ZNF836: variants seen among roughly 807,000 people sequenced by gnomAD.
ZNF836 encodes the protein zinc finger protein 836.
A neutral mutation model predicts 7.4 loss-of-function variants in ZNF836; 12 were observed. The ratio of observed to expected loss-of-function variants is 1.61; its 90% CI spans 1.03 to 2.61. ZNF836 has a LOEUF of 2.61. Ranked by LOEUF, ZNF836 falls within the 30% of genes most tolerant of loss-of-function variation. ZNF836 has a pLI of 0.00. For missense variants in ZNF836, 998 were observed against 1,126.2 expected, an observed-to-expected ratio of 0.89 and a Z score of 1.63; for synonymous variants, 365 against 382.6, an observed-to-expected ratio of 0.95 and a Z score of 0.54.
chr19:52,156,345 T>A lies in ZNF836; in HGVS notation c.1338A>T (p.Val446=), dbSNP rs2089159246. 6.2e-7 allele frequency: 1 copy of A among 1,614,080 alleles called. No homozygotes were observed. Among genetic ancestry groups the A allele is most frequent in the South Asian group, 1.1e-5 (1 of 91,080 alleles). Residue 446 remains valine, a synonymous_variant, in exon 5 of 5, where the codon GTA becomes GTT. Coordinates refer to ENST00000682614, the MANE Select transcript of ZNF836 (RefSeq NM_001102657.3). ...AACGTTGACTGAAGACCTTGTCGCA[T>A]ACATCACATGTATATGGTTTCTCTC... is the stretch of plus-strand genomic sequence containing the variant. ...HTGEKPYTCD[V]CDKVFSQRSQ...
intron 3 of ZNF836, among the ~76,000 whole-genome samples, chr19:52,165,955 A>G (rs917692698): frequency 6.6e-6 from 1 of 151,998 alleles, no homozygotes; most frequent in Non-Finnish European, 1.5e-5. Context: ...CTGTAGTTAA[A>G]TTTTCAGAAT....
rs1339581523 is a variant in ZNF836 at position 52,167,750 on chromosome 19, A to C, written c.15+308T>G. ...TCTACAGAGAGCTGACTGCATCCTG[A>C]TTTTGCCTCTAAACAATCTCTGCTG... On this transcript the variant is annotated intron_variant, in intron 3 of 4. Transcript: ENST00000682614. 3.9e-5 allele frequency among the ~76,000 whole-genome samples: 6 copies of C among 152,054 alleles called. No individual in the cohort carries two copies. In the East Asian group the frequency reaches 9.6e-4, roughly 24 times the overall value.
At chr19:52,158,830 T>A (rs74420665) in intron 4 of ZNF836, among the ~76,000 whole-genome samples, 1,625 of 152,298 alleles carry the variant, frequency 0.011, 29 homozygotes, top group East Asian at 0.07. Flanking sequence ...GTCAGCTATA[T>A]TGACTTATGT....
In ZNF836 at chr19:52,169,795, G is replaced by GAAAAAAAAAAAAAAAAAAAAA. The variant is rs11438599; in HGVS notation, c.-214-15_-214-14insTTTTTTTTTTTTTTTTTTTTT. 1 of 75,624 alleles carries GAAAAAAAAAAAAAAAAAAAAA rather than the reference G, an allele frequency of 1.3e-5. No homozygotes were observed. Among genetic ancestry groups the GAAAAAAAAAAAAAAAAAAAAA allele is most frequent in the Non-Finnish European group, 3.0e-5 (1 of 33,848 alleles). The allele number at this position is 75,624 out of a possible 1,614,324, so 4.7% of individuals were successfully genotyped here. The stretch of plus-strand genomic sequence containing the variant: ...CAGAGCAAGACCCTGTCTCAAAAAA[G>GAAAAAAAAAAAAAAAAAAAAA]AAAAAAAAAAAAAAAAGACATACCT... On this transcript the variant is annotated splice_polypyrimidine_tract_variant and intron_variant, in intron 1 of 4. Transcript: ENST00000682614.
rs1242754125 is a variant in ZNF836, at chr19:52,154,859, C to G, written c.*13G>C. On this transcript the variant is annotated 3_prime_UTR_variant, in exon 5 of 5. Coordinates refer to ENST00000682614, the MANE Select transcript of ZNF836 (RefSeq NM_001102657.3). ...GAAGTGACAAATATACAAGCTATAT[C>G]AATAAGTATGAATTATTTGAACCCA... 1.3e-6 allele frequency: 2 copies of G among 1,496,272 alleles called. No individual in the cohort carries two copies. Among genetic ancestry groups the G allele is most frequent in the Non-Finnish European group, 8.9e-7 (1 of 1,123,976 alleles). 92.7% of individuals were successfully genotyped at this position (1,496,272 alleles called of 1,614,324 possible).
In ZNF836 at chr19:52,156,571, G is replaced by C; in HGVS notation, c.1112C>G (p.Ser371Cys). The C allele has an allele frequency of 1.2e-6, 2 of 1,613,656 alleles. No individual in the cohort carries two copies. Among genetic ancestry groups the C allele is most frequent in the Non-Finnish European group, 1.7e-6 (2 of 1,179,892 alleles). Reference protein sequence around the residue: ...DICGKVFRQNSNLVNHQRIHT... With the variant: ...DICGKVFRQNCNLVNHQRIHT... ...GATTCTCTGGTGATTTACAAGATTA[G>C]AATTCTGCCTGAAGACCTTGCCACA... The change falls in exon 5 of 5, where the codon TCT becomes TGT. Residue 371 changes from serine (S) to cysteine (C), a missense_variant. Coordinates refer to ENST00000682614, the MANE Select transcript of ZNF836 (RefSeq NM_001102657.3).
intron 4 of ZNF836, among the ~76,000 whole-genome samples, chr19:52,160,152 C>A: frequency 6.8e-6 from 1 of 147,988 alleles, no homozygotes; most frequent in South Asian, 2.1e-4. Flanking sequence ...CACTGCACTC[C>A]AGCCTGGGAG....
In ZNF836 at chr19:52,155,786, T is replaced by G. The variant is rs767223568; in HGVS notation, c.1897A>C (p.Thr633Pro). Residue 633 changes from threonine (T) to proline (P), a missense_variant, in exon 5 of 5, where the codon ACT (threonine) becomes CCT (proline). Thr to Pro is a conservative substitution (Grantham distance 38). Coordinates refer to ENST00000682614, the MANE Select transcript of ZNF836 (RefSeq NM_001102657.3). ...GNLSNHKRIH[T>P]GEKPFQCNEC... is the part of the protein sequence containing the mutation. ...TTACATTGAAACGGCTTCTCTCCAG[T>G]ATGAATTCTCTTATGATTTGAAAGG... is the stretch of plus-strand genomic sequence containing the variant. 1 of 1,614,086 alleles carries G rather than the reference T, an allele frequency of 6.2e-7. No individual in the cohort carries two copies. Among genetic ancestry groups the G allele is most frequent in the South Asian group, 1.1e-5 (1 of 91,084 alleles).
Position 52,155,059 on chromosome 19 carries a change from G to A in ZNF836, c.2624C>T (p.Ser875Phe). The A allele has an allele frequency of 6.2e-7, 1 of 1,614,194 alleles. No homozygotes were observed. Among genetic ancestry groups the A allele is most frequent in the South Asian group, 1.1e-5 (1 of 91,090 alleles). ...AATCATTTGGTGTTTGTTGAGGCAA[G>A]AAAACCGCCCAAAGGCCTTGCCACA... ...IECGKAFGRFSCLNKHQMIHS... is the reference protein window; with the variant it reads ...IECGKAFGRFFCLNKHQMIHS... Residue 875 changes from serine to phenylalanine, a missense_variant, in exon 5 of 5, where the codon TCT becomes TTT. By Grantham distance (155) the Ser-to-Phe change is radical. Transcript: ENST00000682614.
intron 4 of ZNF836, chr19:52,160,216 T>C (rs2089200903): frequency 1.9e-6 from 1 of 531,126 alleles, no homozygotes. Context: ...AGTACCATTA[T>C]ACTGACTAAT....
rs147370490 is a variant in ZNF836, at chr19:52,154,570, G to T, written c.*302C>A. 8.9e-3 allele frequency: 1,749 copies of T among 195,426 alleles called. 38 individuals are homozygous for T. Among genetic ancestry groups the T allele is most frequent in the African/African-American group, 0.038 (1,647 of 42,812 alleles). The allele number at this position is 195,426 out of a possible 1,614,324, so 12.1% of individuals were successfully genotyped here. ...GCTACTCAGGGAGACTGAGGCAGGA[G>T]AATCACTTGAACCTGGGAGGCAGAG... On this transcript the variant is annotated 3_prime_UTR_variant, in exon 5 of 5. Transcript: ENST00000682614.
In ZNF836 at chr19:52,154,965, A is replaced by G; in HGVS notation, c.2718T>C (p.Thr906=). The part of the protein sequence containing the change: ...GKSFISRSGL[T]KHQTKHTAES... ...CTGCAGTATGTTTTGTCTGATGTTT[A>G]GTGAGGCCTGAGCGACTAATGAAAG... The change falls in exon 5 of 5, where the codon ACT becomes ACC. Residue 906 remains threonine (T), a synonymous_variant. Coordinates refer to ENST00000682614, the MANE Select transcript of ZNF836 (RefSeq NM_001102657.3). The G allele has an allele frequency of 6.2e-7, 1 of 1,601,514 alleles. No individual in the cohort carries two copies.
Position 52,166,696 on chromosome 19 carries a change from C to G in ZNF836, c.15+1362G>C, listed in dbSNP as rs2089267361. Among the ~76,000 whole-genome samples the G allele has an allele frequency of 2.0e-5, 3 of 151,460 alleles. No individual in the cohort carries two copies. In the South Asian group the frequency reaches 6.2e-4, roughly 31 times the overall value. On this transcript the variant is annotated intron_variant, in intron 3 of 4. Transcript: ENST00000682614. ...TCATGCCATTCTCCTGCTTCAGCCT[C>G]CCAAGTAGCTGGGACTACAGGCCCC... is the stretch of plus-strand genomic sequence containing the variant.
chr19:52,156,111 T>C lies in ZNF836; in HGVS notation c.1572A>G (p.Lys524=), dbSNP rs2089155698. 1.2e-6 allele frequency: 2 copies of C among 1,614,082 alleles called. No individual in the cohort carries two copies. The change falls in exon 5 of 5, where the codon AAA becomes AAG. Residue 524 remains lysine, a synonymous_variant. Transcript: ENST00000682614. ...TRHKIIHTRE[K]RYQCGECGKV... is the part of the protein sequence containing the mutation. Reference sequence around the variant, plus strand: ...TTCCACATTCACCGCATTGGTAACGTTTCTCTCTGGTATGAATTATCTTAT... The same window carrying C: ...TTCCACATTCACCGCATTGGTAACGCTTCTCTCTGGTATGAATTATCTTAT...
chr19:52,170,504 G>A (rs2089299195), intron 1 of ZNF836: 1 of 152,610 alleles, frequency 6.6e-6, no homozygotes, highest in Non-Finnish European at 1.5e-5. Flanking sequence ...TCTGTCGGCT[G>A]CGGCTCCAAC....
In ZNF836 at chr19:52,155,592, A is replaced by G; in HGVS notation, c.2091T>C (p.Asn697=). Residue 697 remains asparagine, a synonymous_variant, in exon 5 of 5, where the codon AAT becomes AAC. Coordinates refer to ENST00000682614, the MANE Select transcript of ZNF836 (RefSeq NM_001102657.3). The part of the protein sequence containing the change: ...IHTGEKPYNC[N]EFGGAFIQSS... Reference sequence around the variant, plus strand: ...TTTGGATAAATGCCCCTCCAAACTCATTACAATTGTAAGGTTTCTCTCCAG... The same window carrying G: ...TTTGGATAAATGCCCCTCCAAACTCGTTACAATTGTAAGGTTTCTCTCCAG... The G allele has an allele frequency of 6.2e-7, 1 of 1,613,940 alleles. No individual in the cohort carries two copies. Among genetic ancestry groups the G allele is most frequent in the Middle Eastern group, 1.6e-4 (1 of 6,062 alleles).
intron 1 of ZNF836, among the ~76,000 whole-genome samples, chr19:52,170,807 C>T (rs988456209): frequency 6.6e-6 from 1 of 152,128 alleles, no homozygotes; most frequent in Non-Finnish European, 1.5e-5. Context: ...TCCCTCTCAC[C>T]CACACATTCA....
Position 52,168,145 on chromosome 19 carries a change from A to G in ZNF836, c.-73T>C. On this transcript the variant is annotated 5_prime_UTR_variant, in exon 3 of 5. Coordinates refer to ENST00000682614, the MANE Select transcript of ZNF836 (RefSeq NM_001102657.3). ...CAGTCAATATAATTAATTCTTTACA[A>G]GTCAAATCTGAAAGTGAAAAATCTG... 6.4e-7 allele frequency: 1 copy of G among 1,570,164 alleles called. No individual in the cohort carries two copies. Among genetic ancestry groups the G allele is most frequent in the Non-Finnish European group, 8.6e-7 (1 of 1,164,074 alleles).
At chr19:52,158,426 T>C (rs925602066) in intron 4 of ZNF836, among the ~76,000 whole-genome samples, 92 of 152,218 alleles carry the variant, frequency 6.0e-4, no homozygotes, top group Middle Eastern at 6.8e-3. Flanking sequence ...ATACTTATTA[T>C]ATAAGTATTA....
Sources: gnomAD v4.1 joint callset for allele counts (sites outside exome capture counted in the v4.1 genomes callset) on GRCh38, gnomAD v4.1.1 for gene constraint, MANE v1.5 for transcripts, NCBI Gene and HGNC (gene_info 2026-07-23, HGNC 2026-07-21) for gene names.